The following ANKS1B variants were observed in gnomAD, a reference collection of about 807,000 sequenced individuals.
ANKS1B encodes the protein ankyrin repeat and sterile alpha motif domain-containing protein 1B.
ANKS1B carries 36 observed loss-of-function variants against 148.3 expected under a neutral mutation model. That is an observed-to-expected ratio of 0.24 (90% confidence interval 0.19 to 0.32). ANKS1B has a LOEUF of 0.32. ANKS1B is among the 10% of genes least tolerant of loss of function. The pLI, the probability that ANKS1B is intolerant of heterozygous loss-of-function variation, is 1.00. For missense variants in ANKS1B, 1,157 were observed against 1,542.6 expected (o/e 0.75, Z 4.19); for synonymous variants, 542 against 560.8 (o/e 0.97, Z 0.47).
chr12:99,897,432 AC>A (rs1229548828), intron 1 of ANKS1B, among the ~76,000 whole-genome samples: 6 of 151,410 alleles, frequency 4.0e-5, no homozygotes, highest in Middle Eastern at 3.4e-3. Flanking sequence ...TCTCATTTAA[AC>A]ATAACTAAAG....
chr12:99,403,857 T>G (rs949113046), intron 11 of ANKS1B, among the ~76,000 whole-genome samples: 1 of 146,040 alleles, frequency 6.8e-6, no homozygotes, highest in Non-Finnish European at 1.5e-5. Flanking sequence ...CATTCTGTCA[T>G]AAAGACACAT....
intron 9 of ANKS1B, among the ~76,000 whole-genome samples, chr12:99,614,225 G>T (rs573050694): frequency 5.7e-4 from 86 of 152,008 alleles, no homozygotes; most frequent in African/African-American, 2.0e-3. Context: ...ACCTGAGGCT[G>T]AGAGTTCGAG....
chr12:98,907,741 G>A (rs897164877), intron 17 of ANKS1B, among the ~76,000 whole-genome samples: 1 of 152,108 alleles, frequency 6.6e-6, no homozygotes, highest in Admixed American at 6.5e-5. Context: ...TAATTCCCAC[G>A]TGCTGTGGGA....
At chr12:99,518,750 A>G (rs1204684935) in intron 9 of ANKS1B, among the ~76,000 whole-genome samples, 1 of 151,784 alleles carries the variant, frequency 6.6e-6, no homozygotes, top group Non-Finnish European at 1.5e-5. Flanking sequence ...GATTTTTAAT[A>G]TTTCTTTTCT....
At chr12:99,697,517 T>G (rs1289304456) in intron 8 of ANKS1B, among the ~76,000 whole-genome samples, 2 of 152,118 alleles carry the variant, frequency 1.3e-5, no homozygotes, top group Non-Finnish European at 2.9e-5. Flanking sequence ...TTCAACTATA[T>G]GACATTCTGA....
At chr12:98,788,170 C>T (rs1183044983) in intron 22 of ANKS1B, among the ~76,000 whole-genome samples, 1 of 150,200 alleles carries the variant, frequency 6.7e-6, no homozygotes, top group African/African-American at 2.5e-5. Context: ...TTTGGAAGGC[C>T]GAGGTGGGTG....
chr12:99,309,661 T>C (rs1259143143), intron 12 of ANKS1B, among the ~76,000 whole-genome samples: 1 of 152,102 alleles, frequency 6.6e-6, no homozygotes, highest in African/African-American at 2.4e-5. Flanking sequence ...ATATAAATAA[T>C]GGTGCTTATA....
chr12:99,470,352 T>C (rs1214618501), intron 10 of ANKS1B, among the ~76,000 whole-genome samples: 1 of 152,126 alleles, frequency 6.6e-6, no homozygotes, highest in Non-Finnish European at 1.5e-5. Context: ...CAAAGACAAC[T>C]TCAAAAGTAG....
intron 8 of ANKS1B, among the ~76,000 whole-genome samples, chr12:99,702,777 T>C (rs1383433937): frequency 1.6e-5 from 2 of 122,684 alleles, no homozygotes; most frequent in African/African-American, 5.7e-5. Context: ...TTTAACTTGA[T>C]GTGATTACAT....
chr12:99,356,396 A>C lies in ANKS1B; in HGVS notation c.1756+43235T>G, dbSNP rs568025625. On this transcript the variant is annotated intron_variant, in intron 12 of 26. Transcript: ENST00000683438. ...AAATTGTCCAAAGTGGGTGCTGCTG[A>C]CCACCACGCACTGGCATTGTGCGAG... 3.9e-5 allele frequency among the ~76,000 whole-genome samples: 6 copies of C among 152,202 alleles called. No individual in the cohort carries two copies. In the East Asian group the frequency reaches 1.2e-3, roughly 29 times the overall value.
intron 17 of ANKS1B, among the ~76,000 whole-genome samples, chr12:98,946,648 T>C (rs2099845932): frequency 6.6e-6 from 1 of 152,078 alleles, no homozygotes; most frequent in Non-Finnish European, 1.5e-5. Context: ...AGGTTTCACC[T>C]CATTGAAAAA....
At chr12:99,856,832 A>C (rs919765053) in intron 1 of ANKS1B, among the ~76,000 whole-genome samples, 4 of 152,206 alleles carry the variant, frequency 2.6e-5, no homozygotes, top group Non-Finnish European at 2.9e-5. Context: ...AAATTCCAAC[A>C]TCACTTTATG....
chr12:99,818,745 C>T (rs931967365), intron 2 of ANKS1B, among the ~76,000 whole-genome samples: 1 of 151,664 alleles, frequency 6.6e-6, no homozygotes, highest in Non-Finnish European at 1.5e-5. Flanking sequence ...TAAATAGCTG[C>T]AATATTTTGC....
intron 1 of ANKS1B, among the ~76,000 whole-genome samples, chr12:99,867,145 T>C (rs554272101): frequency 2.6e-5 from 4 of 152,166 alleles, no homozygotes; most frequent in Non-Finnish European, 5.9e-5. Context: ...TGAAAGTAAT[T>C]TGTAGACTAT....
At chr12:99,560,650 T>A (rs2097324061) in intron 9 of ANKS1B, among the ~76,000 whole-genome samples, 1 of 152,130 alleles carries the variant, frequency 6.6e-6, no homozygotes, top group Non-Finnish European at 1.5e-5. Context: ...TAGCATTATA[T>A]CTATAAAAGC....
At chr12:98,924,208 A>C (rs1993730) in intron 17 of ANKS1B, among the ~76,000 whole-genome samples, 13,881 of 152,236 alleles carry the variant, frequency 0.091, 775 homozygotes, top group Admixed American at 0.18. Flanking sequence ...GCTTCACAGA[A>C]AGGCCTGCAA....
rs368364646 is a variant in ANKS1B, at chr12:98,839,266, C to G, written c.2779-7130G>C. On this transcript the variant is annotated intron_variant, in intron 17 of 26. Transcript: ENST00000683438. ...CCACCATGTTATGCAATTTGTGAGC[C>G]ACAAAGAAGAAAAAATATCGAGTCC... 1.8e-3 allele frequency among the ~76,000 whole-genome samples: 272 copies of G among 152,218 alleles called. 2 individuals are homozygous for G. Among genetic ancestry groups the G allele is most frequent in the African/African-American group, 6.3e-3 (263 of 41,516 alleles).
intron 8 of ANKS1B, among the ~76,000 whole-genome samples, chr12:99,718,393 G>A (rs540160410): frequency 6.5e-4 from 99 of 152,026 alleles, no homozygotes; most frequent in African/African-American, 2.3e-3. Flanking sequence ...TAACCCACAA[G>A]TATAAGATAC....
At chr12:99,773,223 A>G in intron 7 of ANKS1B, 135 bp from the exon 8 acceptor site, 1 of 636,760 alleles carries the variant, frequency 1.6e-6, no homozygotes, top group Non-Finnish European at 2.6e-6. Context: ...TATTCTGCTG[A>G]AAACAAGGTA....
Sources: gnomAD v4.1 joint callset for allele counts (sites outside exome capture counted in the v4.1 genomes callset) on GRCh38, gnomAD v4.1.1 for gene constraint, MANE v1.5 for transcripts, NCBI Gene and HGNC (gene_info 2026-07-23, HGNC 2026-07-21) for gene names.